Variants in TMTC2 observed in about 807,000 individuals in gnomAD.
TMTC2 encodes the protein transmembrane O-mannosyltransferase targeting cadherins 2, also known as protein O-mannosyl-transferase TMTC2.
In TMTC2, 43 loss-of-function variants were observed where a neutral mutation model predicts 82.4. That is an observed-to-expected ratio of 0.52 (90% CI 0.41 to 0.67). The LOEUF is 0.67. Ranked by LOEUF, TMTC2 falls within the 30% of genes least tolerant of loss-of-function variation. TMTC2 has a pLI of 0.00. For missense variants in TMTC2, 919 were observed against 1,012.4 expected, an observed-to-expected ratio of 0.91 and a Z score of 1.25; for synonymous variants, 408 against 381.9, an observed-to-expected ratio of 1.07 and a Z score of -0.80.
chr12:82,722,566 C>CA (rs772607761), intron 1 of TMTC2, among the ~76,000 whole-genome samples: 36,669 of 44,382 alleles, frequency 0.83, 15,698 homozygotes, highest in Non-Finnish European at 0.84. Flanking sequence ...GACTCCATCT[C>CA]AAAAAAAAAA....
intron 3 of TMTC2, among the ~76,000 whole-genome samples, chr12:82,909,317 T>C (rs538954909): frequency 1.3e-5 from 2 of 152,252 alleles, no homozygotes; most frequent in African/African-American, 4.8e-5. Flanking sequence ...TTTACTTTTC[T>C]GGAGTCCTGC....
chr12:82,934,931 T>C (rs1876237970), intron 4 of TMTC2, among the ~76,000 whole-genome samples: 1 of 152,164 alleles, frequency 6.6e-6, no homozygotes, highest in South Asian at 2.1e-4. Flanking sequence ...CGTGAGATGG[T>C]ATCTCATTGT....
chr12:82,806,713 AAAT>A (rs553194114), intron 1 of TMTC2, among the ~76,000 whole-genome samples: 140 of 152,306 alleles, frequency 9.2e-4, no homozygotes, highest in Admixed American at 1.4e-3. Context: ...AGAGAGAAAA[AAAT>A]ATATTCATTG....
At chr12:83,032,257 TTA>T (rs57604518) in intron 9 of TMTC2, among the ~76,000 whole-genome samples, 1,438 of 130,648 alleles carry the variant, frequency 0.011, 14 homozygotes, top group South Asian at 0.019. Flanking sequence ...AGAGAATATT[TTA>T]TATATATATA....
chr12:82,960,004 AAAAG>A (rs997000992), intron 4 of TMTC2, among the ~76,000 whole-genome samples: 24 of 152,078 alleles, frequency 1.6e-4, no homozygotes, highest in African/African-American at 4.1e-4. Context: ...AAAAACAAAA[AAAAG>A]AAAGATATGA....
At chr12:82,989,212 C>T (rs887222518) in intron 8 of TMTC2, among the ~76,000 whole-genome samples, 2 of 150,634 alleles carry the variant, frequency 1.3e-5, no homozygotes, top group African/African-American at 2.4e-5. Flanking sequence ...TATATGCAAA[C>T]AAAAAATGAG....
At chr12:83,014,464 C>T (rs1332915007) in intron 8 of TMTC2, among the ~76,000 whole-genome samples, 2 of 152,094 alleles carry the variant, frequency 1.3e-5, no homozygotes, top group African/African-American at 4.8e-5. Flanking sequence ...CTCAGCCTCC[C>T]GAGTAGCTGG....
chr12:82,927,634 G>A (rs1050551527), intron 3 of TMTC2, among the ~76,000 whole-genome samples: 11 of 152,114 alleles, frequency 7.2e-5, no homozygotes, highest in East Asian at 1.9e-4. Flanking sequence ...CAAGTATTTC[G>A]TGAAAGGAAG....
chr12:83,126,055 A>G (rs1885089407), intron 11 of TMTC2, among the ~76,000 whole-genome samples: 1 of 152,198 alleles, frequency 6.6e-6, no homozygotes, highest in African/African-American at 2.4e-5. Context: ...ATTCAGTGTA[A>G]TTAATGTGAA....
intron 10 of TMTC2, among the ~76,000 whole-genome samples, chr12:83,059,579 C>G (rs1363441196): frequency 6.6e-6 from 1 of 151,504 alleles, no homozygotes; most frequent in African/African-American, 2.4e-5. Context: ...TTTTTCCCAC[C>G]TCATCAGAAT....
chr12:83,094,942 C>A (rs1258013534), intron 11 of TMTC2, among the ~76,000 whole-genome samples: 1 of 152,108 alleles, frequency 6.6e-6, no homozygotes, highest in Non-Finnish European at 1.5e-5. Flanking sequence ...ACAAAGAAAG[C>A]CTACTTTTTA....
chr12:82,779,945 C>T lies in TMTC2; in HGVS notation c.84-77065C>T, dbSNP rs190474144. Among the ~76,000 whole-genome samples, 725 of 150,622 alleles carry T rather than the reference C, an allele frequency of 4.8e-3. 8 individuals are homozygous for T. The highest frequency in any genetic ancestry group is 0.017 in the African/African-American group (701 of 40,602). ...CTCATGATGTTACATGCCAGAGTTA[C>T]GGCATTAAGTGAGACTCATCCATTC... On this transcript the variant is annotated intron_variant, in intron 1 of 11. Coordinates refer to ENST00000321196, the MANE Select transcript of TMTC2 (RefSeq NM_152588.3).
intron 1 of TMTC2, among the ~76,000 whole-genome samples, chr12:82,718,510 A>G (rs1397602094): frequency 6.6e-6 from 1 of 152,208 alleles, no homozygotes; most frequent in East Asian, 1.9e-4. Context: ...TAAGTGACGG[A>G]GTCCATATTT....
intron 8 of TMTC2, among the ~76,000 whole-genome samples, chr12:82,999,465 C>T (rs1312569804): frequency 1.3e-5 from 2 of 152,156 alleles, no homozygotes; most frequent in East Asian, 1.9e-4. Context: ...CAGTGTATTC[C>T]GTTTTCACGC....
intron 2 of TMTC2, among the ~76,000 whole-genome samples, chr12:82,878,316 T>C (rs890232106): frequency 6.6e-6 from 1 of 152,232 alleles, no homozygotes; most frequent in Non-Finnish European, 1.5e-5. Flanking sequence ...TTAGTGTCAC[T>C]TTGGGCCTCA....
chr12:83,044,088 G>A (rs1881999296), intron 9 of TMTC2, among the ~76,000 whole-genome samples: 1 of 152,064 alleles, frequency 6.6e-6, no homozygotes, highest in African/African-American at 2.4e-5. Context: ...AAGCATGTGT[G>A]GCCGTTTACT....
intron 7 of TMTC2, among the ~76,000 whole-genome samples, chr12:82,969,385 T>A (rs1878354637): frequency 6.6e-6 from 1 of 152,200 alleles, no homozygotes; most frequent in African/African-American, 2.4e-5. Context: ...TGTGTATAGA[T>A]ATACAAGCAT....
intron 1 of TMTC2, among the ~76,000 whole-genome samples, chr12:82,791,119 A>G (rs574760201): frequency 6.6e-6 from 1 of 152,090 alleles, no homozygotes; most frequent in East Asian, 1.9e-4. Flanking sequence ...TTCTTTCTAC[A>G]TGACTTCTCC....
chr12:82,826,864 G>A (rs1235363263), intron 1 of TMTC2, among the ~76,000 whole-genome samples: 2 of 152,122 alleles, frequency 1.3e-5, no homozygotes, highest in Non-Finnish European at 2.9e-5. Flanking sequence ...TGAAATATTA[G>A]TGTCTGAAAT....
Sources: gnomAD v4.1 joint callset for allele counts (sites outside exome capture counted in the v4.1 genomes callset) on GRCh38, gnomAD v4.1.1 for gene constraint, MANE v1.5 for transcripts, NCBI Gene and HGNC (gene_info 2026-07-23, HGNC 2026-07-21) for gene names.